The following CHST8 variants were observed in gnomAD, a reference collection of about 807,000 sequenced individuals.
The protein encoded by CHST8 is carbohydrate sulfotransferase 8.
In CHST8, 10 loss-of-function variants were observed where a neutral mutation model predicts 15.0. That is an observed-to-expected ratio of 0.67 (90% CI 0.41 to 1.13). The LOEUF is 1.13. CHST8 is among the 50% of genes most tolerant of loss of function. The pLI, the probability that CHST8 is intolerant of heterozygous loss-of-function variation, is 0.00. For synonymous variants in CHST8, 259 were observed against 256.6 expected (o/e 1.01, Z -0.09); for missense variants, 634 against 608.2 (o/e 1.04, Z -0.45).
intron 1 of CHST8, among the ~76,000 whole-genome samples, chr19:33,645,639 C>T (rs1033942944): frequency 3.3e-5 from 5 of 151,930 alleles, no homozygotes; most frequent in Non-Finnish European, 5.9e-5. Context: ...GCTAAACATT[C>T]GGTGAAGGAC....
intron 3 of CHST8, among the ~76,000 whole-genome samples, chr19:33,744,841 C>A (rs749686077): frequency 1.3e-5 from 2 of 152,132 alleles, no homozygotes; most frequent in African/African-American, 2.4e-5. Context: ...CTCCACCTCC[C>A]GGGTTCAAGC....
At chr19:33,722,377 G>A (rs1383525367) in intron 3 of CHST8, among the ~76,000 whole-genome samples, 2 of 152,140 alleles carry the variant, frequency 1.3e-5, no homozygotes, top group East Asian at 3.8e-4. Context: ...ACGGACAGAC[G>A]GATGGGTAGG....
At chr19:33,744,534 A>G (rs984426866) in intron 3 of CHST8, 5 of 152,002 alleles carry the variant, frequency 3.3e-5, no homozygotes, top group Non-Finnish European at 5.9e-5. Context: ...GTCACCCTTC[A>G]GAAGCTGGAT....
intron 2 of CHST8, among the ~76,000 whole-genome samples, chr19:33,668,475 T>C (rs969646619): frequency 2.0e-5 from 3 of 151,824 alleles, no homozygotes; most frequent in Non-Finnish European, 4.4e-5. Context: ...CTCCGAGCAA[T>C]TAGGGTTTGG....
chr19:33,704,411 G>A (rs1973404143), intron 3 of CHST8, among the ~76,000 whole-genome samples: 1 of 152,048 alleles, frequency 6.6e-6, no homozygotes, highest in Non-Finnish European at 1.5e-5. Flanking sequence ...GGGTCACTGG[G>A]ATCCATCAGA....
chr19:33,634,862 C>G (rs905858730), intron 1 of CHST8, among the ~76,000 whole-genome samples: 1 of 152,088 alleles, frequency 6.6e-6, no homozygotes, highest in African/African-American at 2.4e-5. Context: ...ACTGGGCTGC[C>G]GTGGTGAGGG....
intron 1 of CHST8, among the ~76,000 whole-genome samples, chr19:33,631,116 A>G (rs931566308): frequency 6.6e-6 from 1 of 152,204 alleles, no homozygotes; most frequent in African/African-American, 2.4e-5. Context: ...GGCGCTGTCT[A>G]TGCTGGTTGG....
intron 3 of CHST8, among the ~76,000 whole-genome samples, chr19:33,736,336 A>C (rs1378106230): frequency 6.6e-6 from 1 of 152,194 alleles, no homozygotes; most frequent in Non-Finnish European, 1.5e-5. Context: ...GATGGAGGGT[A>C]GGGGTGCTTG....
chr19:33,738,363 AC>A (rs1235500068), intron 3 of CHST8, among the ~76,000 whole-genome samples: 1 of 152,152 alleles, frequency 6.6e-6, no homozygotes, highest in Non-Finnish European at 1.5e-5. Context: ...ACACATTCAA[AC>A]CCCCCATCCC....
chr19:33,686,827 G>A (rs1254796860), intron 2 of CHST8, among the ~76,000 whole-genome samples: 1 of 152,168 alleles, frequency 6.6e-6, no homozygotes, highest in Non-Finnish European at 1.5e-5. Context: ...ATGTGTGCAG[G>A]CACTGGCCGG....
chr19:33,712,568 C>A (rs1379026999), intron 3 of CHST8, among the ~76,000 whole-genome samples: 1 of 152,186 alleles, frequency 6.6e-6, no homozygotes, highest in Non-Finnish European at 1.5e-5. Context: ...GGGGACTTAT[C>A]CAAGCGAACA....
intron 3 of CHST8, among the ~76,000 whole-genome samples, chr19:33,749,832 C>T (rs542437463): frequency 1.6e-3 from 246 of 152,306 alleles, no homozygotes; most frequent in African/African-American, 5.6e-3. Context: ...TTGTATGTCA[C>T]GTGCTGTGCG....
At chr19:33,677,620 A>T (rs1259943885) in intron 2 of CHST8, among the ~76,000 whole-genome samples, 1 of 152,184 alleles carries the variant, frequency 6.6e-6, no homozygotes, top group Non-Finnish European at 1.5e-5. Flanking sequence ...GCTCCATGGT[A>T]CCAGTCCACC....
chr19:33,755,250 T>C (rs1344664319), intron 3 of CHST8, among the ~76,000 whole-genome samples: 2 of 152,122 alleles, frequency 1.3e-5, no homozygotes, highest in African/African-American at 2.4e-5. Context: ...TGTGCTGTGC[T>C]CACCCCGCCC....
intron 1 of CHST8, among the ~76,000 whole-genome samples, chr19:33,654,850 C>T (rs1337442743): frequency 6.6e-6 from 1 of 152,150 alleles, no homozygotes; most frequent in East Asian, 1.9e-4. Context: ...CAGGCCCTGA[C>T]CTGTAGGGTC....
chr19:33,650,519 T>TTTTCTTTTC (rs1972430116), intron 1 of CHST8, among the ~76,000 whole-genome samples: 1 of 16,128 alleles, frequency 6.2e-5, no homozygotes, highest in African/African-American at 1.8e-4. Context: ...TTTTCTTTTC[T>TTTTCTTTTC]TTTTTTTTTT....
At chr19:33,695,821 C>CTTTTTTTTTTTTTT (rs55695414) in intron 3 of CHST8, among the ~76,000 whole-genome samples, 2 of 76,232 alleles carry the variant, frequency 2.6e-5, no homozygotes, top group Non-Finnish European at 5.0e-5. Flanking sequence ...TTCTTTCTTT[C>CTTTTTTTTTTTTTT]TTTTTTTTTT....
At chr19:33,771,816 A>AG (rs1974988940) in intron 4 of CHST8, 141 bp from the exon 5 acceptor site, 3 of 1,006,658 alleles carry the variant, frequency 3.0e-6, no homozygotes, top group Non-Finnish European at 4.4e-6. Context: ...CTCAGACCGG[A>AG]GGGGTCTCAC....
intron 2 of CHST8, among the ~76,000 whole-genome samples, chr19:33,682,087 T>C (rs1345101568): frequency 1.3e-5 from 2 of 151,780 alleles, no homozygotes; most frequent in African/African-American, 4.8e-5. Context: ...ACTCCTGACC[T>C]CAGGTGATCC....
Sources: allele counts gnomAD v4.1 joint callset (sites outside exome capture counted in the v4.1 genomes callset), GRCh38; gene constraint gnomAD v4.1.1; transcripts MANE v1.5; gene names NCBI Gene and HGNC (gene_info 2026-07-23, HGNC 2026-07-21).